CEACAM8: variants seen among roughly 807,000 people sequenced by gnomAD.
CEACAM8 encodes CEA cell adhesion molecule 8.
CEACAM8 carries 31 observed loss-of-function variants against 33.4 expected under a neutral mutation model. That is an observed-to-expected ratio of 0.93 (90% CI 0.70 to 1.25). The LOEUF (loss-of-function observed/expected upper bound fraction) is 1.25, where lower values mean the gene tolerates loss of function less well. Ranked by LOEUF, CEACAM8 falls within the 50% of genes most tolerant of loss-of-function variation. The probability of loss-of-function intolerance (pLI) is 0.00; values close to 1 mark genes in which losing one functional copy is unlikely to be tolerated. For synonymous variants in CEACAM8, 138 were observed against 164.5 expected (o/e 0.84, Z 1.23); for missense variants, 388 against 434.6 (o/e 0.89, Z 0.95).
At chr19:42,589,083 G>T (rs753440986) in intron 3 of CEACAM8, 45 bp from the exon 4 acceptor site, 1 of 1,578,864 alleles carries the variant, frequency 6.3e-7, no homozygotes, top group South Asian at 1.2e-5. Flanking sequence ...TCAGAGGGAA[G>T]GGGAAGCTCC....
At chr19:42,581,920 A>AAATATATAT (rs1555805368) in intron 5 of CEACAM8, among the ~76,000 whole-genome samples, 11 of 25,308 alleles carry the variant, frequency 4.3e-4, no homozygotes, top group Non-Finnish European at 5.9e-4. Flanking sequence ...AAAAAAAAAA[A>AAATATATAT]ATATATATAT....
At chr19:42,587,759 C>T (rs2042360685) in intron 4 of CEACAM8, among the ~76,000 whole-genome samples, 1 of 152,164 alleles carries the variant, frequency 6.6e-6, no homozygotes, top group Non-Finnish European at 1.5e-5. Flanking sequence ...AATCCCAGCA[C>T]TTTGAGAAGC....
intron 4 of CEACAM8, among the ~76,000 whole-genome samples, chr19:42,585,608 G>A (rs550866640): frequency 2.0e-5 from 3 of 152,082 alleles, no homozygotes; most frequent in African/African-American, 7.2e-5. Context: ...ATATAATAAA[G>A]GCAGTATGTG....
Position 42,589,382 on chromosome 19 carries a change from G to A in CEACAM8, c.703+75C>T, listed in dbSNP as rs45513101. 1,827 of 1,603,288 alleles carry A rather than the reference G, an allele frequency of 1.1e-3. 22 individuals are homozygous for A. The African/African-American group carries it at 0.022, about 19-fold the overall frequency. On this transcript the variant is annotated intron_variant, in intron 3 of 5. Coordinates refer to ENST00000244336, the MANE Select transcript of CEACAM8 (RefSeq NM_001816.4). ...AATCTGCATTTTTGGAGCTGAGAGGGACTGAGAGGCCTGGCCTCTGGCTGC... is the reference window on the plus strand; with the variant it reads ...AATCTGCATTTTTGGAGCTGAGAGGAACTGAGAGGCCTGGCCTCTGGCTGC...
At chr19:42,586,963 C>T (rs2042347023) in intron 4 of CEACAM8, among the ~76,000 whole-genome samples, 1 of 152,030 alleles carries the variant, frequency 6.6e-6, no homozygotes, top group Admixed American at 6.5e-5. Context: ...ATACAAATGG[C>T]CAATGAGCAC....
At chr19:42,591,081 T>A (rs1002315153) in intron 2 of CEACAM8, among the ~76,000 whole-genome samples, 2 of 152,244 alleles carry the variant, frequency 1.3e-5, no homozygotes, top group Non-Finnish European at 2.9e-5. Context: ...ATTTCAGATT[T>A]GGGATTTTTG....
rs775470459 is a variant in CEACAM8, at chr19:42,593,781, G to T, written c.184C>A (p.Pro62Thr). ...LLLVHNLPQD[P>T]RGYNWYKGET... ...CCTTTGTACCAGTTGTAGCCACGAGGGTCCTGGGGCAGATTGTGGACAAGT... is the reference window on the plus strand; with the variant it reads ...CCTTTGTACCAGTTGTAGCCACGAGTGTCCTGGGGCAGATTGTGGACAAGT... The change falls in exon 2 of 6, where the codon CCT becomes ACT. Residue 62 changes from proline to threonine, a missense_variant. Physicochemically the swap from Pro to Thr is conservative, Grantham distance 38 (BLOSUM62 -1). Coordinates refer to ENST00000244336, the MANE Select transcript of CEACAM8 (RefSeq NM_001816.4). The T allele has an allele frequency of 6.2e-7, 1 of 1,613,890 alleles. No individual in the cohort carries two copies. Among genetic ancestry groups the T allele is most frequent in the Non-Finnish European group, 8.5e-7 (1 of 1,180,004 alleles).
intron 4 of CEACAM8, 89 bp from the exon 5 acceptor site, chr19:42,583,426 T>A: frequency 1.2e-6 from 1 of 804,354 alleles, no homozygotes; most frequent in Non-Finnish European, 2.1e-6. Context: ...CATGAAGTAG[T>A]CTCTACTTGT....
At chr19:42,584,316 T>C (rs570531052) in intron 4 of CEACAM8, among the ~76,000 whole-genome samples, 24 of 152,248 alleles carry the variant, frequency 1.6e-4, no homozygotes, top group Non-Finnish European at 2.9e-4. Flanking sequence ...AATGCTATGT[T>C]AGCTACTGTT....
rs775470459 is a variant in CEACAM8, at chr19:42,593,781, G to A, written c.184C>T (p.Pro62Ser). Residue 62 changes from proline (P) to serine (S), a missense_variant, in exon 2 of 6, where the codon CCT becomes TCT. Pro to Ser is a moderately conservative substitution (Grantham distance 74, BLOSUM62 -1). Transcript: ENST00000244336. The part of the protein sequence containing the change: ...LLLVHNLPQD[P>S]RGYNWYKGET... ...CCTTTGTACCAGTTGTAGCCACGAG[G>A]GTCCTGGGGCAGATTGTGGACAAGT... The A allele has an allele frequency of 3.7e-6, 6 of 1,614,008 alleles. No homozygotes were observed. In the East Asian group the frequency reaches 1.3e-4, roughly 36 times the overall value.
chr19:42,591,311 A>G (rs1405106756), intron 2 of CEACAM8, among the ~76,000 whole-genome samples: 1 of 152,236 alleles, frequency 6.6e-6, no homozygotes, highest in African/African-American at 2.4e-5. Context: ...CAGCAGGATC[A>G]CATTATGCTC....
At position 42,593,698 on chromosome 19, in the gene CEACAM8, A is replaced by T; in HGVS notation, c.267T>A (p.Ile89=). The T allele has an allele frequency of 6.2e-7, 1 of 1,614,076 alleles. No homozygotes were observed. Among genetic ancestry groups the T allele is most frequent in the East Asian group, 2.2e-5 (1 of 44,884 alleles). The change falls in exon 2 of 6, where the codon ATT becomes ATA. Residue 89 remains isoleucine, a synonymous_variant. Transcript: ENST00000244336. ...IIGYVISNQQ[I]TPGPAYSNRE... is the part of the protein sequence containing the mutation. ...GATTGCTGTATGCAGGCCCTGGGGTAATCTGTTGATTTGATATTACATATC... is the reference window on the plus strand; with the variant it reads ...GATTGCTGTATGCAGGCCCTGGGGTTATCTGTTGATTTGATATTACATATC...
At chr19:42,582,617 C>T (rs147768335) in intron 5 of CEACAM8, among the ~76,000 whole-genome samples, 119 of 152,224 alleles carry the variant, frequency 7.8e-4, no homozygotes, top group African/African-American at 2.8e-3. Flanking sequence ...TGTTTCTAGG[C>T]ATAGCATTGG....
rs985116694 is a variant in CEACAM8 at position 42,593,685 on chromosome 19, C to T, written c.280G>A (p.Ala94Thr). 6.2e-7 allele frequency: 1 copy of T among 1,614,056 alleles called. No homozygotes were observed. Among genetic ancestry groups the T allele is most frequent in the South Asian group, 1.1e-5 (1 of 91,080 alleles). The change falls in exon 2 of 6, where the codon GCA (alanine) becomes ACA (threonine). Residue 94 changes from alanine to threonine, a missense_variant. Physicochemically the swap from Ala to Thr is moderately conservative, Grantham distance 58. Coordinates refer to ENST00000244336, the MANE Select transcript of CEACAM8 (RefSeq NM_001816.4). ...TATATTGTCTCTCGATTGCTGTATG[C>T]AGGCCCTGGGGTAATCTGTTGATTT... ...ISNQQITPGP[A>T]YSNRETIYPN...
chr19:42,593,878 G>A lies in CEACAM8; in HGVS notation c.87C>T (p.Asn29=). 1 of 1,593,676 alleles carries A rather than the reference G, an allele frequency of 6.3e-7. No individual in the cohort carries two copies. The highest frequency in any genetic ancestry group is 8.6e-7 in the Non-Finnish European group (1 of 1,166,974). Residue 29 remains asparagine (N), a synonymous_variant, in exon 2 of 6, where the codon AAC becomes AAT. Coordinates refer to ENST00000244336, the MANE Select transcript of CEACAM8 (RefSeq NM_001816.4). ...TAGTGAGCTGAGCAGTGGTGGGCGG[G>A]TTCCAGAAGGTGAAAAGTGAGGCTA... is the stretch of plus-strand genomic sequence containing the variant. The part of the protein sequence containing the change: ...LLTASLFTFW[N]PPTTAQLTIE...
intron 4 of CEACAM8, among the ~76,000 whole-genome samples, chr19:42,583,951 G>A (rs530815228): frequency 6.6e-6 from 1 of 152,232 alleles, no homozygotes; most frequent in East Asian, 1.9e-4. Flanking sequence ...AATCTGCATC[G>A]TGGTCTGAGG....
rs1568689870 is a variant in CEACAM8 at position 42,581,221 on chromosome 19, G to A, written c.*173C>T. The stretch of plus-strand genomic sequence containing the variant: ...TTTGCAAGTTCATAGACAGTCCAGT[G>A]GCGTGATCTTAAAGTTATCAGGAAC... On this transcript the variant is annotated 3_prime_UTR_variant, in exon 6 of 6. Transcript: ENST00000244336. 6.6e-6 allele frequency: 1 copy of A among 152,104 alleles called. No individual in the cohort carries two copies. The highest frequency in any genetic ancestry group is 1.5e-5 in the Non-Finnish European group (1 of 68,034). The allele number at this position is 152,104 out of a possible 1,614,324, so 9.4% of individuals were successfully genotyped here. A position where few individuals can be genotyped will look rare whatever the true frequency, so the allele number is the denominator to read the frequency against.
At chr19:42,586,995 C>T (rs182165912) in intron 4 of CEACAM8, among the ~76,000 whole-genome samples, 2 of 152,258 alleles carry the variant, frequency 1.3e-5, no homozygotes, top group East Asian at 3.9e-4. Flanking sequence ...CTCAACATCA[C>T]TGATACTTAG....
At chr19:42,585,648 A>G (rs2042324855) in intron 4 of CEACAM8, among the ~76,000 whole-genome samples, 1 of 152,262 alleles carries the variant, frequency 6.6e-6, no homozygotes, top group Non-Finnish European at 1.5e-5. Context: ...CATACTCAAT[A>G]GAGAAAGACT....
Sources: allele counts gnomAD v4.1 joint callset (sites outside exome capture counted in the v4.1 genomes callset), GRCh38; gene constraint gnomAD v4.1.1; transcripts MANE v1.5; gene names NCBI Gene and HGNC (gene_info 2026-07-23, HGNC 2026-07-21).